The following EVC variants were observed in gnomAD, a reference collection of about 807,000 sequenced individuals.
EVC encodes evC complex member EVC.
Under a neutral mutation model 118.9 loss-of-function variants are expected in EVC, and 116 were observed. That is an observed-to-expected ratio of 0.98 (90% CI 0.84 to 1.14). The LOEUF is 1.14. Among genes scored for constraint, EVC ranks in the 50% most tolerant of loss-of-function variants. The pLI is 0.00. For synonymous variants in EVC, 619 were observed against 534.7 expected, an observed-to-expected ratio of 1.16 and a Z score of -2.18; for missense variants, 1,401 against 1,246.4, an observed-to-expected ratio of 1.12 and a Z score of -1.87.
At chr4:5,734,091 G>T (rs949849415) in intron 5 of EVC, among the ~76,000 whole-genome samples, 1 of 152,292 alleles carries the variant, frequency 6.6e-6, no homozygotes, top group East Asian at 1.9e-4. Context: ...AATCAGCCAC[G>T]GACCTGAGCT....
chr4:5,748,564 T>TCATCCATCCATC (rs1729751129), intron 8 of EVC, among the ~76,000 whole-genome samples: 1 of 48,518 alleles, frequency 2.1e-5, no homozygotes, highest in Non-Finnish European at 3.6e-5. Flanking sequence ...TCCCACCCAT[T>TCATCCATCCATC]TATCCATCCA....
chr4:5,827,857 C>G, the EVC span, among the ~76,000 whole-genome samples: 1 of 152,290 alleles, frequency 6.6e-6, no homozygotes, highest in East Asian at 1.9e-4. Context: ...GGGCGGGAGT[C>G]TCTCTCAGCT....
intron 16 of EVC, among the ~76,000 whole-genome samples, chr4:5,802,406 C>T (rs967568775): frequency 2.0e-5 from 3 of 152,126 alleles, no homozygotes; most frequent in Non-Finnish European, 1.5e-5. Context: ...TTTTCAGCAC[C>T]AGGGACTGGT....
chr4:5,821,825 T>C, the EVC span: 1 of 1,607,948 alleles, frequency 6.2e-7, no homozygotes, highest in Admixed American at 1.7e-5. This position sits in a 1 kb window ranked among gnomAD's most constrained non-coding sequence, Gnocchi z 4.4. Flanking sequence ...CCGGTGCGCC[T>C]GGGATTGTTG....
Position 5,717,776 on chromosome 4 carries a change from C to T in EVC, c.175-1472C>T, listed in dbSNP as rs80024957. On this transcript the variant is annotated intron_variant, in intron 1 of 20. Coordinates refer to ENST00000264956, the MANE Select transcript of EVC (RefSeq NM_153717.3). ...TTCTTTTAAGTTCCTTCTCAAATGC[C>T]GCTTTGTCCAAGAGACTTTGTCTCC... Among the ~76,000 whole-genome samples the T allele has an allele frequency of 5.4e-3, 824 of 152,318 alleles. 7 individuals are homozygous for T. Among genetic ancestry groups the T allele is most frequent in the African/African-American group, 0.019 (779 of 41,566 alleles).
rs527599661 is a variant in EVC at position 5,746,816 on chromosome 4, A to T, written c.940-1332A>T. ...TGGTGCCAAATCCTGGATCCTGCCCATATTTAAGGAGGAGCGGATGAGAAG... is the reference window on the plus strand; with the variant it reads ...TGGTGCCAAATCCTGGATCCTGCCCTTATTTAAGGAGGAGCGGATGAGAAG... On this transcript the variant is annotated intron_variant, in intron 7 of 20. Transcript: ENST00000264956. This position sits in a 1 kb window ranked among gnomAD's most constrained non-coding sequence, Gnocchi z 5.8. Among the ~76,000 whole-genome samples the T allele has an allele frequency of 4.6e-5, 7 of 152,314 alleles. No homozygotes were observed. The South Asian group carries it at 1.0e-3, about 23-fold the overall frequency.
At chr4:5,801,755 C>G in intron 15 of EVC, 195 bp from the exon 16 acceptor site, 1 of 625,224 alleles carries the variant, frequency 1.6e-6, no homozygotes, top group Non-Finnish European at 2.9e-6. Context: ...TCTAGACATC[C>G]CTGACCTAAG....
At chr4:5,782,624 T>C (rs576650649) in intron 11 of EVC, among the ~76,000 whole-genome samples, 104 of 151,194 alleles carry the variant, frequency 6.9e-4, no homozygotes, top group Non-Finnish European at 1.0e-3. Flanking sequence ...TGGGTTTGTT[T>C]TTCATGATTT....
downstream of EVC, among the ~76,000 whole-genome samples, chr4:5,818,190 C>T (rs998259076): frequency 6.6e-6 from 1 of 151,928 alleles, no homozygotes; most frequent in African/African-American, 2.4e-5. Flanking sequence ...CTCATTCTCT[C>T]TCTTGCCTGC....
intron 5 of EVC, among the ~76,000 whole-genome samples, chr4:5,734,353 G>A (rs376503987): frequency 8.4e-4 from 128 of 152,240 alleles, no homozygotes; most frequent in African/African-American, 2.9e-3. Flanking sequence ...AGAACATCAC[G>A]TTGGAGGCCA....
Position 5,738,382 on chromosome 4 carries a change from A to T in EVC, c.703-3334A>T, listed in dbSNP as rs528117247. Among the ~76,000 whole-genome samples the T allele has an allele frequency of 1.3e-5, 2 of 152,204 alleles. No homozygotes were observed. Among genetic ancestry groups the T allele is most frequent in the Admixed American group, 1.3e-4 (2 of 15,280 alleles). On this transcript the variant is annotated intron_variant, in intron 5 of 20. Transcript: ENST00000264956. The surrounding 1 kb of genome is among the most constrained non-coding windows in gnomAD (Gnocchi z 6.5). ...GCAGCTGCAGGGTTTGAGAGGATTG[A>T]CTCCAAGTTTTAAAGTTCTACTGTG...
chr4:5,752,580 G>A (rs987411737), intron 8 of EVC: 28 of 573,160 alleles, frequency 4.9e-5, no homozygotes, highest in African/African-American at 9.4e-5. Context: ...TCTGGGGAGC[G>A]CTACTGGTGA....
At chr4:5,753,185 C>G (rs1158857110) in intron 9 of EVC, 133 bp downstream of exon 9, 3 of 878,030 alleles carry the variant, frequency 3.4e-6, no homozygotes, top group African/African-American at 3.3e-5. Context: ...CTGCTTCTGC[C>G]CTAGGGACTG....
At chr4:5,760,396 G>C (rs372325184) in intron 11 of EVC, among the ~76,000 whole-genome samples, 1 of 151,994 alleles carries the variant, frequency 6.6e-6, no homozygotes, top group African/African-American at 2.4e-5. Context: ...GCCTTTTAAC[G>C]TAACATCAGG....
At position 5,798,855 on chromosome 4, in the gene EVC, C is replaced by T. The variant is rs1714467466; in HGVS notation, c.2304+63C>T. ...AAGAATGTTCAGGGTAGGGTCCATG[C>T]CTGGGTCTGCTCCTTGCCACACCGT... On this transcript the variant is annotated intron_variant, in intron 15 of 20. Transcript: ENST00000264956. The surrounding 1 kb of genome is among the most constrained non-coding windows in gnomAD (Gnocchi z 4.1). 1 of 1,526,062 alleles carries T rather than the reference C, an allele frequency of 6.6e-7. No individual in the cohort carries two copies. The highest frequency in any genetic ancestry group is 8.9e-7 in the Non-Finnish European group (1 of 1,118,588). The allele number at this position is 1,526,062 out of a possible 1,614,324, so 94.5% of individuals were successfully genotyped here.
At chr4:5,747,334 G>A (rs1318926187) in intron 7 of EVC, among the ~76,000 whole-genome samples, 1 of 152,164 alleles carries the variant, frequency 6.6e-6, no homozygotes, top group Non-Finnish European at 1.5e-5. Flanking sequence ...CTCAGAGGCT[G>A]AGCCAAGATG....
In EVC at chr4:5,749,949, C is replaced by T. The variant is rs116585198; in HGVS notation, c.1098+1643C>T. On this transcript the variant is annotated intron_variant, in intron 8 of 20. Coordinates refer to ENST00000264956, the MANE Select transcript of EVC (RefSeq NM_153717.3). This position sits in a 1 kb window ranked among gnomAD's most constrained non-coding sequence, Gnocchi z 4.4. ...AGCTGGTTAGAGTGCAGAATCCTGT[C>T]CTCCACCCTTCCCAAGCAGGATCTG... Among the ~76,000 whole-genome samples the T allele has an allele frequency of 0.013, 1,931 of 152,246 alleles. 36 individuals carry two copies. The highest frequency in any genetic ancestry group is 0.044 in the African/African-American group (1,843 of 41,522).
At chr4:5,748,686 A>C (rs1434935657) in intron 8 of EVC, among the ~76,000 whole-genome samples, 3 of 91,428 alleles carry the variant, frequency 3.3e-5, no homozygotes, top group African/African-American at 1.9e-4. Flanking sequence ...CCATCCACCC[A>C]CCCATCCATC....
intron 9 of EVC, 142 bp from the exon 10 acceptor site, chr4:5,753,643 G>C: frequency 9.3e-7 from 1 of 1,077,622 alleles, no homozygotes. Flanking sequence ...GAAAAACCCA[G>C]GTGTGTCACC....
Sources: gnomAD v4.1 joint callset for allele counts (sites outside exome capture counted in the v4.1 genomes callset) on GRCh38, gnomAD v4.1.1 for gene constraint, Gnocchi (gnomAD v3.1) non-coding constraint, MANE v1.5 for transcripts, NCBI Gene and HGNC (gene_info 2026-07-23, HGNC 2026-07-21) for gene names.